MND1: variants seen among roughly 807,000 people sequenced by gnomAD.
The protein encoded by MND1 is meiotic nuclear divisions 1.
In MND1, 28 loss-of-function variants were observed where a neutral mutation model predicts 35.1. The observed-to-expected ratio is 0.80, with a 90% CI of 0.59 to 1.09. The LOEUF (loss-of-function observed/expected upper bound fraction) is 1.09, where lower values mean the gene tolerates loss of function less well. Among genes scored for constraint, MND1 ranks in the 50% least tolerant of loss-of-function variants. MND1 has a pLI of 0.00. For missense variants in MND1, 213 were observed against 239.6 expected, an observed-to-expected ratio of 0.89 and a Z score of 0.73; for synonymous variants, 69 against 70.5, an observed-to-expected ratio of 0.98 and a Z score of 0.11.
intron 4 of MND1, among the ~76,000 whole-genome samples, chr4:153,380,810 T>A (rs1728656977): frequency 6.6e-6 from 1 of 152,216 alleles, no homozygotes; most frequent in Admixed American, 6.5e-5. Flanking sequence ...ACTAAGATTT[T>A]TTTACTGGTA....
At chr4:153,373,402 A>G (rs1201799774) in intron 4 of MND1, among the ~76,000 whole-genome samples, 2 of 152,178 alleles carry the variant, frequency 1.3e-5, no homozygotes, top group African/African-American at 4.8e-5. Context: ...TTTGCATTTG[A>G]GGGAAAAGGT....
At chr4:153,352,155 C>T (rs1422527551) in intron 2 of MND1, among the ~76,000 whole-genome samples, 1 of 152,164 alleles carries the variant, frequency 6.6e-6, no homozygotes, top group Non-Finnish European at 1.5e-5. Flanking sequence ...TAAAAAATTA[C>T]TTCAGCAAAC....
chr4:153,346,732 T>C (rs1382352305), intron 1 of MND1, among the ~76,000 whole-genome samples: 1 of 152,188 alleles, frequency 6.6e-6, no homozygotes, highest in East Asian at 1.9e-4. Flanking sequence ...TTGAGAGCTT[T>C]CCTAAAACTG....
intron 6 of MND1, among the ~76,000 whole-genome samples, chr4:153,405,607 T>C (rs1032718010): frequency 4.0e-5 from 6 of 151,632 alleles, no homozygotes; most frequent in Admixed American, 1.3e-4. Flanking sequence ...ATAAACCCAA[T>C]TGATTTTCAA....
chr4:153,381,181 C>G (rs6836645), intron 4 of MND1, among the ~76,000 whole-genome samples: 69,124 of 151,932 alleles, frequency 0.45, 18,906 homozygotes, highest in African/African-American at 0.78. Flanking sequence ...TTACAGGTAT[C>G]AGCCACTGCG....
intron 4 of MND1, among the ~76,000 whole-genome samples, chr4:153,388,931 T>A (rs1728944280): frequency 6.6e-6 from 1 of 152,198 alleles, no homozygotes; most frequent in Admixed American, 6.5e-5. Flanking sequence ...GATGGTCCCC[T>A]ACCCCATAGT....
At chr4:153,357,092 G>A (rs946219979) in intron 3 of MND1, among the ~76,000 whole-genome samples, 8 of 152,078 alleles carry the variant, frequency 5.3e-5, no homozygotes, top group African/African-American at 1.9e-4. Context: ...CAAAGTGCTG[G>A]GATTACAGGC....
At chr4:153,381,661 TA>T (rs1407287299) in intron 4 of MND1, 17 of 98,586 alleles carry the variant, frequency 1.7e-4, no homozygotes, top group African/African-American at 4.5e-4. Context: ...ATAATATATA[TA>T]ATATAATATA....
At chr4:153,396,522 T>C (rs546365619) in intron 5 of MND1, among the ~76,000 whole-genome samples, 4 of 152,232 alleles carry the variant, frequency 2.6e-5, no homozygotes, top group Non-Finnish European at 5.9e-5. Context: ...TACTATAATC[T>C]TTGCCAACAT....
At position 153,405,925 on chromosome 4, in the gene MND1, C is replaced by G. The variant is rs368942216; in HGVS notation, c.467-3046C>G. Reference sequence around the variant, plus strand: ...GTTCAGGCCATTCTCCTGCCTCAACCTCCGAGTACCTGGGACTACAGGCGC... The same window carrying G: ...GTTCAGGCCATTCTCCTGCCTCAACGTCCGAGTACCTGGGACTACAGGCGC... On this transcript the variant is annotated intron_variant, in intron 6 of 7. Coordinates refer to ENST00000240488, the MANE Select transcript of MND1 (RefSeq NM_032117.4). 1.2e-4 allele frequency among the ~76,000 whole-genome samples: 18 copies of G among 152,212 alleles called. 1 individual carries two copies. The East Asian group carries it at 3.5e-3, about 30-fold the overall frequency.
intron 4 of MND1, among the ~76,000 whole-genome samples, chr4:153,370,554 CTG>C (rs761918679): frequency 5.3e-5 from 8 of 152,008 alleles, no homozygotes; most frequent in Non-Finnish European, 4.4e-5. Flanking sequence ...GAGTCTCACT[CTG>C]TCATCCAGGC....
chr4:153,412,908 G>A (rs576898803), intron 7 of MND1, among the ~76,000 whole-genome samples: 138 of 145,820 alleles, frequency 9.5e-4, no homozygotes, highest in African/African-American at 3.4e-3. Context: ...GGGTTCAAGC[G>A]ATTCCCCTGC....
intron 2 of MND1, 61 bp downstream of exon 2, chr4:153,350,190 C>T: frequency 1.7e-6 from 2 of 1,166,762 alleles, no homozygotes; most frequent in Non-Finnish European, 2.5e-6. Flanking sequence ...TATATGTCAT[C>T]CAATGTTAAC....
intron 6 of MND1, among the ~76,000 whole-genome samples, chr4:153,399,132 T>C (rs1385631803): frequency 6.6e-6 from 1 of 152,226 alleles, no homozygotes; most frequent in African/African-American, 2.4e-5. Flanking sequence ...TTACTCTTAC[T>C]TGCCTTTTTT....
intron 4 of MND1, 33 bp downstream of exon 4, chr4:153,358,655 C>T: frequency 6.3e-7 from 1 of 1,588,430 alleles, no homozygotes; most frequent in Non-Finnish European, 8.5e-7. Context: ...AATAGAGTTG[C>T]TTTATAACGG....
At chr4:153,393,799 C>T (rs1579943211) in intron 4 of MND1, among the ~76,000 whole-genome samples, 1 of 149,020 alleles carries the variant, frequency 6.7e-6, no homozygotes, top group African/African-American at 2.5e-5. Flanking sequence ...TATCTATCTG[C>T]ATGGAATAAA....
At chr4:153,404,448 C>T (rs926893820) in intron 6 of MND1, among the ~76,000 whole-genome samples, 14 of 150,424 alleles carry the variant, frequency 9.3e-5, no homozygotes, top group Non-Finnish European at 1.9e-4. Context: ...GCCTCAGCCT[C>T]GCAAAGTTTG....
At chr4:153,373,966 A>G (rs1224476941) in intron 4 of MND1, among the ~76,000 whole-genome samples, 1 of 152,190 alleles carries the variant, frequency 6.6e-6, no homozygotes, top group Non-Finnish European at 1.5e-5. Context: ...GAGAAGCAAT[A>G]TGGCTTCATG....
At chr4:153,372,264 A>G (rs1017027149) in intron 4 of MND1, among the ~76,000 whole-genome samples, 1 of 152,096 alleles carries the variant, frequency 6.6e-6, no homozygotes, top group African/African-American at 2.4e-5. Context: ...GGTAGCCACA[A>G]ACTTAATTTG....
Sources: allele counts gnomAD v4.1 joint callset (sites outside exome capture counted in the v4.1 genomes callset), GRCh38; gene constraint gnomAD v4.1.1; transcripts MANE v1.5; gene names NCBI Gene and HGNC (gene_info 2026-07-23, HGNC 2026-07-21).